Variants in DCTN6 observed in about 807,000 individuals in gnomAD.
DCTN6 encodes dynactin 6.
Under a neutral mutation model 25.8 loss-of-function variants are expected in DCTN6, and 15 were observed. The ratio of observed to expected loss-of-function variants is 0.58; its 90% confidence interval spans 0.39 to 0.89. DCTN6 has a LOEUF of 0.89. DCTN6 is among the 40% of genes least tolerant of loss of function. The pLI, the probability that DCTN6 is intolerant of heterozygous loss-of-function variation, is 0.00. For missense variants in DCTN6, 198 were observed against 237.6 expected (o/e 0.83, Z 1.09); for synonymous variants, 64 against 78.3 (o/e 0.82, Z 0.96).
rs1803897756 is a variant in DCTN6 at position 30,180,554 on chromosome 8, C to T, written c.398C>T (p.Thr133Ile). 2 of 1,613,944 alleles carry T rather than the reference C, an allele frequency of 1.2e-6. No homozygotes were observed. Among genetic ancestry groups the T allele is most frequent in the Admixed American group, 3.3e-5 (2 of 59,990 alleles). ...CIIGACCNLN[T>I]FEVIPENTVI... The stretch of plus-strand genomic sequence containing the variant: ...ATTGGGGCTTGTTGCAACCTAAATA[C>T]ATTTGAAGTCATCCCTGAGAATACG... Residue 133 changes from threonine to isoleucine, a missense_variant, in exon 6 of 7, where the codon ACA becomes ATA. By Grantham distance (89) the Thr-to-Ile change is moderately conservative. Transcript: ENST00000221114.
At position 30,163,699 on chromosome 8, in the gene DCTN6, CTTT is replaced by C. The variant is rs201907906; in HGVS notation, c.24-397_24-395del. 2.9e-5 allele frequency among the ~76,000 whole-genome samples: 4 copies of C among 137,688 alleles called. No individual in the cohort carries two copies. In the East Asian group the frequency reaches 6.4e-4, roughly 22 times the overall value. 90.3% of individuals were successfully genotyped at this position (137,688 alleles called of 152,430 possible). A position where few individuals can be genotyped will look rare whatever the true frequency, so the allele number is the denominator to read the frequency against. ...TACCATTGACTTTCCATTTTTCCAT[CTTT>C]TTTTTTTTTTTTTTCCTGAGACAGA... is the stretch of plus-strand genomic sequence containing the variant. On this transcript the variant is annotated intron_variant, in intron 1 of 6. Coordinates refer to ENST00000221114, the MANE Select transcript of DCTN6 (RefSeq NM_006571.4).
chr8:30,176,060 C>T (rs868470857), intron 3 of DCTN6, among the ~76,000 whole-genome samples: 2 of 150,598 alleles, frequency 1.3e-5, no homozygotes, highest in Non-Finnish European at 2.9e-5. Context: ...AACTAGCTAA[C>T]TAATAGCAAT....
chr8:30,169,825 C>T (rs1803738642), intron 2 of DCTN6, among the ~76,000 whole-genome samples: 1 of 152,132 alleles, frequency 6.6e-6, no homozygotes, highest in Admixed American at 6.6e-5. Flanking sequence ...CAATAGACCA[C>T]GCAGACAAAG....
chr8:30,163,348 C>T (rs1431017468), intron 1 of DCTN6, among the ~76,000 whole-genome samples: 1 of 152,110 alleles, frequency 6.6e-6, no homozygotes, highest in Non-Finnish European at 1.5e-5. Context: ...TCTTGAATTC[C>T]TGGGCTTAAG....
intron 2 of DCTN6, chr8:30,165,879 AAAAAG>A (rs1424951220): frequency 3.9e-5 from 6 of 152,072 alleles, no homozygotes; most frequent in Admixed American, 3.3e-4. Context: ...AAAAAAAAGA[AAAAAG>A]AAAAAAGAAT....
At chr8:30,178,971 G>T (rs909512351) in intron 4 of DCTN6, among the ~76,000 whole-genome samples, 25 of 152,102 alleles carry the variant, frequency 1.6e-4, no homozygotes, top group Admixed American at 1.6e-3. Context: ...GATTTTAATA[G>T]CGTGGAATAA....
intron 2 of DCTN6, among the ~76,000 whole-genome samples, chr8:30,168,998 G>A (rs904628999): frequency 6.6e-5 from 10 of 152,142 alleles, no homozygotes; most frequent in African/African-American, 2.2e-4. Context: ...TTGAAGCACC[G>A]TCCCGTGGTC....
intron 2 of DCTN6, among the ~76,000 whole-genome samples, chr8:30,173,770 G>C (rs1045770710): frequency 1.7e-4 from 23 of 132,120 alleles, no homozygotes; most frequent in Non-Finnish European, 2.9e-4. Flanking sequence ...TTACACAATT[G>C]AATACTGAAT....
At chr8:30,172,599 C>T (rs1336524730) in intron 2 of DCTN6, among the ~76,000 whole-genome samples, 2 of 152,048 alleles carry the variant, frequency 1.3e-5, no homozygotes, top group Non-Finnish European at 2.9e-5. Flanking sequence ...CACAGGTGTG[C>T]ACCACCATGC....
chr8:30,161,482 G>A (rs369355884), intron 1 of DCTN6, among the ~76,000 whole-genome samples: 68 of 152,174 alleles, frequency 4.5e-4, no homozygotes, highest in Middle Eastern at 3.4e-3. Flanking sequence ...GTTGGCTTGG[G>A]AATAGGAATC....
intron 4 of DCTN6, 44 bp from the exon 5 acceptor site, chr8:30,179,364 A>G (rs1282837024): frequency 6.5e-7 from 1 of 1,546,472 alleles, no homozygotes; most frequent in Non-Finnish European, 8.9e-7. Context: ...AGTGGGGACT[A>G]AAGATGAACA....
intron 6 of DCTN6, among the ~76,000 whole-genome samples, chr8:30,181,524 G>C (rs1329636610): frequency 6.6e-6 from 1 of 152,116 alleles, no homozygotes; most frequent in African/African-American, 2.4e-5. Flanking sequence ...GGCTTCCTTT[G>C]GACATAAGAC....
intron 2 of DCTN6, among the ~76,000 whole-genome samples, chr8:30,168,651 T>C (rs1803719583): frequency 6.6e-6 from 1 of 152,238 alleles, no homozygotes. Flanking sequence ...AATGTTTTCC[T>C]TTGCTAAGTT....
At chr8:30,175,583 A>T (rs1803821681) in intron 3 of DCTN6, among the ~76,000 whole-genome samples, 1 of 151,970 alleles carries the variant, frequency 6.6e-6, no homozygotes, top group Admixed American at 6.6e-5. Flanking sequence ...TCATGCCTAA[A>T]CACGTGAATT....
At chr8:30,180,456 A>C in intron 5 of DCTN6, 32 bp from the exon 6 acceptor site, 1 of 1,599,670 alleles carries the variant, frequency 6.3e-7, no homozygotes, top group Non-Finnish European at 8.5e-7. Context: ...TTGATGTCTT[A>C]AGTTGCAGTT....
intron 6 of DCTN6, 56 bp from the exon 7 acceptor site, chr8:30,183,019 G>A (rs1803931039): frequency 1.3e-6 from 2 of 1,485,220 alleles, no homozygotes; most frequent in East Asian, 2.3e-5. Context: ...TGGTTGCTGT[G>A]TGGTACTCTT....
intron 2 of DCTN6, among the ~76,000 whole-genome samples, chr8:30,170,470 C>G (rs141215222): frequency 6.6e-6 from 1 of 152,288 alleles, no homozygotes; most frequent in East Asian, 1.9e-4. Context: ...TTCTCTCCCT[C>G]TCTGGACACA....
rs965859692 is a variant in DCTN6, at chr8:30,176,874, C to T, written c.195-252C>T. ...CCTGTAGTCCCAGCTACTCGGGAGG[C>T]TGAGGCAGGAGAATCTCTTGAACCC... is the stretch of plus-strand genomic sequence containing the variant. On this transcript the variant is annotated intron_variant, in intron 3 of 6. Coordinates refer to ENST00000221114, the MANE Select transcript of DCTN6 (RefSeq NM_006571.4). 3.3e-5 allele frequency: 11 copies of T among 332,738 alleles called. No homozygotes were observed. In the Admixed American group the frequency reaches 4.6e-4, roughly 14 times the overall value. 20.6% of individuals were successfully genotyped at this position (332,738 alleles called of 1,614,324 possible).
intron 6 of DCTN6, among the ~76,000 whole-genome samples, chr8:30,181,323 G>T (rs1249371528): frequency 2.0e-5 from 3 of 152,186 alleles, no homozygotes; most frequent in African/African-American, 4.8e-5. Flanking sequence ...TTTATCCTGT[G>T]CCTCTAACTG....
Sources: allele counts gnomAD v4.1 joint callset (sites outside exome capture counted in the v4.1 genomes callset), GRCh38; gene constraint gnomAD v4.1.1; transcripts MANE v1.5; gene names NCBI Gene and HGNC (gene_info 2026-07-23, HGNC 2026-07-21).